Variants in FHIP2A observed in about 807,000 individuals in gnomAD.
FHIP2A encodes the protein family with sequence similarity 160 member B1.
Under a neutral mutation model 93.5 loss-of-function variants are expected in FHIP2A, and 46 were observed. The observed-to-expected ratio is 0.49, with a 90% CI of 0.39 to 0.63. The LOEUF is 0.63. Among genes scored for constraint, FHIP2A ranks in the 20% least tolerant of loss-of-function variants. The probability of loss-of-function intolerance (pLI) is 0.00; values close to 1 mark genes in which losing one functional copy is unlikely to be tolerated. For synonymous variants in FHIP2A, 332 were observed against 326.5 expected (o/e 1.02, Z -0.18); for missense variants, 769 against 909.7 (o/e 0.85, Z 1.99).
intron 16 of FHIP2A, among the ~76,000 whole-genome samples, chr10:114,878,775 C>CAA (rs71007499): frequency 3.0e-5 from 3 of 101,214 alleles, no homozygotes; most frequent in Non-Finnish European, 4.4e-5. Flanking sequence ...GACTTCGCCT[C>CAA]AAAAAAAAAA....
intron 16 of FHIP2A, among the ~76,000 whole-genome samples, chr10:114,898,847 G>C (rs927141902): frequency 2.6e-5 from 4 of 152,118 alleles, no homozygotes; most frequent in African/African-American, 9.7e-5. Flanking sequence ...TTGTATAAAT[G>C]GTCTCAATGT....
intron 8 of FHIP2A, 66 bp from the exon 9 acceptor site, chr10:114,845,947 A>C: frequency 8.0e-7 from 1 of 1,254,300 alleles, no homozygotes; most frequent in Non-Finnish European, 1.1e-6. Flanking sequence ...AAACTGATTT[A>C]TTGATGTTAC....
exon 17 of FHIP2A, chr10:114,899,571 C>T (rs61868043): frequency 9.8e-6 from 7 of 716,522 alleles, no homozygotes; most frequent in African/African-American, 5.3e-5. Flanking sequence ...AAAAGAATCT[C>T]GATGGTTTCC....
chr10:114,841,993 A>C (rs894377642), intron 5 of FHIP2A, among the ~76,000 whole-genome samples: 4 of 152,160 alleles, frequency 2.6e-5, no homozygotes, highest in Non-Finnish European at 5.9e-5. Flanking sequence ...CCAGCATTTC[A>C]AGCAAATCTT....
intron 6 of FHIP2A, among the ~76,000 whole-genome samples, chr10:114,843,454 G>A (rs1164922634): frequency 2.6e-5 from 4 of 151,488 alleles, no homozygotes; most frequent in Non-Finnish European, 4.4e-5. Flanking sequence ...ACAGGTGCAC[G>A]CCACCACGCC....
At chr10:114,883,333 T>TATCCACGTGTCTTCTCTTCC (rs1240308834) in intron 16 of FHIP2A, among the ~76,000 whole-genome samples, 4 of 152,152 alleles carry the variant, frequency 2.6e-5, no homozygotes, top group Admixed American at 1.3e-4. Flanking sequence ...TCTCCTCTTC[T>TATCCACGTGTCTTCTCTTCC]CATATCCACG....
At chr10:114,847,395 TCTC>T (rs1592020399) in intron 12 of FHIP2A, among the ~76,000 whole-genome samples, 162 bp downstream of exon 12, 1 of 151,940 alleles carries the variant, frequency 6.6e-6, no homozygotes, top group Admixed American at 6.6e-5. Context: ...TTTAAGCGAT[TCTC>T]CTGCCCCAGC....
rs1157433458 is a variant in FHIP2A, at chr10:114,835,568, T to C, written c.326T>C (p.Val109Ala). ...CPPGMKQQVLVFYTKLLGRIR... is the reference protein window; with the variant it reads ...CPPGMKQQVLAFYTKLLGRIR... ...CCGGGAATGAAACAGCAGGTTTTGGTTTTCTATACGAAACTTCTGGGAAGA... is the reference window on the plus strand; with the variant it reads ...CCGGGAATGAAACAGCAGGTTTTGGCTTTCTATACGAAACTTCTGGGAAGA... The change falls in exon 4 of 17, where the codon GTT becomes GCT. Residue 109 changes from valine to alanine, a missense_variant. Val to Ala is a moderately conservative substitution (Grantham distance 64, BLOSUM62 0). Transcript: ENST00000369248. The C allele has an allele frequency of 6.2e-7, 1 of 1,613,510 alleles. No individual in the cohort carries two copies. Among genetic ancestry groups the C allele is most frequent in the Non-Finnish European group, 8.5e-7 (1 of 1,179,516 alleles).
chr10:114,827,303 C>T (rs758034232), intron 1 of FHIP2A, among the ~76,000 whole-genome samples: 2 of 152,180 alleles, frequency 1.3e-5, no homozygotes, highest in Non-Finnish European at 2.9e-5. Context: ...GCAGTGACTT[C>T]TGTGTTATTT....
At chr10:114,829,697 T>G (rs1192663806) in intron 1 of FHIP2A, among the ~76,000 whole-genome samples, 1 of 152,188 alleles carries the variant, frequency 6.6e-6, no homozygotes, top group African/African-American at 2.4e-5. Context: ...CTTAGCCTCA[T>G]TTTACCCAGC....
intron 16 of FHIP2A, among the ~76,000 whole-genome samples, chr10:114,869,880 TA>T (rs1452541725): frequency 6.6e-6 from 1 of 152,234 alleles, no homozygotes; most frequent in Non-Finnish European, 1.5e-5. Flanking sequence ...TAGCATATAA[TA>T]TAATTTATAT....
rs770659714 is a variant in FHIP2A at position 114,846,217 on chromosome 10, C to T, written c.1248C>T (p.Arg416=). The change falls in exon 10 of 17, where the codon CGC becomes CGT. Residue 416 remains arginine, a synonymous_variant. Transcript: ENST00000369248. ...GILTSTALLH[R]IVRQVTSDVL... ...TCACATCCACTGCTCTGCTTCATCGCATCGTTCGGCAAGTGACCTCTGATG... is the reference window on the plus strand; with the variant it reads ...TCACATCCACTGCTCTGCTTCATCGTATCGTTCGGCAAGTGACCTCTGATG... 1 of 1,614,188 alleles carries T rather than the reference C, an allele frequency of 6.2e-7. No individual in the cohort carries two copies. Among genetic ancestry groups the T allele is most frequent in the Non-Finnish European group, 8.5e-7 (1 of 1,180,028 alleles).
chr10:114,876,822 G>A (rs187483646), intron 16 of FHIP2A, among the ~76,000 whole-genome samples: 16 of 152,214 alleles, frequency 1.1e-4, no homozygotes, highest in African/African-American at 3.6e-4. Flanking sequence ...CACCCCACTC[G>A]CCTCAGACTT....
chr10:114,882,797 C>T (rs1178874713), intron 16 of FHIP2A, among the ~76,000 whole-genome samples: 1 of 151,836 alleles, frequency 6.6e-6, no homozygotes, highest in East Asian at 1.9e-4. Context: ...ATTGCTTGAA[C>T]CCAGAAGGCA....
chr10:114,833,775 C>CT lies in FHIP2A; in HGVS notation c.294+374dup, dbSNP rs199587875. Among the ~76,000 whole-genome samples, 1,039 of 152,328 alleles carry CT rather than the reference C, an allele frequency of 6.8e-3. 7 individuals are homozygous for CT. Among genetic ancestry groups the CT allele is most frequent in the African/African-American group, 0.024 (999 of 41,572 alleles). On this transcript the variant is annotated intron_variant, in intron 3 of 16. Transcript: ENST00000369248. ...GAGAATGTCACTGATGATTTTGACACTAACTAAACTGTTAAGTGGAGCCAA... is the reference window on the plus strand; with the variant it reads ...GAGAATGTCACTGATGATTTTGACACTTAACTAAACTGTTAAGTGGAGCCAA...
chr10:114,846,786 TCTC>T lies in FHIP2A; in HGVS notation c.1568+62_1568+64del. 4 of 1,395,012 alleles carry T rather than the reference TCTC, an allele frequency of 2.9e-6. No individual in the cohort carries two copies. In the South Asian group the frequency reaches 4.3e-5, roughly 15 times the overall value. The allele number at this position is 1,395,012 out of a possible 1,614,324, so 86.4% of individuals were successfully genotyped here. A position where few individuals can be genotyped will look rare whatever the true frequency, so the allele number is the denominator to read the frequency against. On this transcript the variant is annotated intron_variant, in intron 11 of 16. Coordinates refer to ENST00000369248, the MANE Select transcript of FHIP2A (RefSeq NM_020940.4). ...TTTCATGTAGAGATAGAACTTTCTC[TCTC>T]CTCTTATCTACCTCCCTTATCCTCA... is the stretch of plus-strand genomic sequence containing the variant.
chr10:114,875,873 AAG>A (rs1454427063), intron 16 of FHIP2A, among the ~76,000 whole-genome samples: 5 of 140,160 alleles, frequency 3.6e-5, no homozygotes, highest in South Asian at 4.6e-4. Flanking sequence ...AAGAAAGAGA[AAG>A]AAAGAAAAGA....
At chr10:114,879,290 AAAAC>A (rs1047720890) in intron 16 of FHIP2A, among the ~76,000 whole-genome samples, 19 of 152,186 alleles carry the variant, frequency 1.2e-4, no homozygotes, top group African/African-American at 7.2e-5. Flanking sequence ...ACAGTGTCTC[AAAAC>A]AAACAAACAA....
intron 13 of FHIP2A, among the ~76,000 whole-genome samples, chr10:114,850,995 C>A (rs1305422916): frequency 6.6e-6 from 1 of 152,116 alleles, no homozygotes; most frequent in African/African-American, 2.4e-5. Flanking sequence ...CTCACTGCAA[C>A]CTCCGCCTCC....
Sources: allele counts gnomAD v4.1 joint callset (sites outside exome capture counted in the v4.1 genomes callset), GRCh38; gene constraint gnomAD v4.1.1; transcripts MANE v1.5; gene names NCBI Gene and HGNC (gene_info 2026-07-23, HGNC 2026-07-21).